Variants in DACH2 observed in about 807,000 individuals in gnomAD.
DACH2 encodes dachshund family transcription factor 2.
Under a neutral mutation model 35.8 loss-of-function variants are expected in DACH2, and 17 were observed. The ratio of observed to expected loss-of-function variants is 0.48; its 90% CI spans 0.33 to 0.71. DACH2 has a LOEUF of 0.71. Among genes scored for constraint, DACH2 ranks in the 30% least tolerant of loss-of-function variants. DACH2 has a pLI of 0.02. For synonymous variants in DACH2, 195 were observed against 177.3 expected (o/e 1.10, Z -0.79); for missense variants, 469 against 472.7 (o/e 0.99, Z 0.07).
intron 2 of DACH2, among the ~76,000 whole-genome samples, chrX:86,465,511 A>G (rs1438373317): frequency 9.0e-6 from 1 of 111,678 alleles, no homozygotes; most frequent in Non-Finnish European, 1.9e-5. Context: ...AATTGAGTGG[A>G]ATTTTGACAA....
intron 1 of DACH2, among the ~76,000 whole-genome samples, chrX:86,296,310 G>C (rs1384606267): frequency 2.0e-5 from 2 of 101,309 alleles, no homozygotes; most frequent in East Asian, 6.1e-4. Flanking sequence ...GAACCCTGGA[G>C]GCGGAGCTTG....
intron 2 of DACH2, among the ~76,000 whole-genome samples, chrX:86,431,851 A>G (rs2036990276): frequency 1.8e-5 from 2 of 111,674 alleles, no homozygotes; most frequent in Admixed American, 1.9e-4. Flanking sequence ...TAAACAAATC[A>G]TAAGGTTGAA....
chrX:86,177,765 T>C (rs190031766), intron 1 of DACH2, among the ~76,000 whole-genome samples: 1 of 111,282 alleles, frequency 9.0e-6, no homozygotes, highest in East Asian at 2.9e-4. Context: ...ATTAAGACTC[T>C]TGTTTAGGGA....
intron 3 of DACH2, among the ~76,000 whole-genome samples, chrX:86,623,825 G>A (rs1210540046): frequency 2.1e-5 from 2 of 96,715 alleles, no homozygotes; most frequent in Admixed American, 1.1e-4. Flanking sequence ...CGAGACGGGC[G>A]GATCACGAGG....
At chrX:86,764,650 T>G (rs2041914699) in intron 7 of DACH2, among the ~76,000 whole-genome samples, 1 of 111,539 alleles carries the variant, frequency 9.0e-6, no homozygotes, top group African/African-American at 3.3e-5. Flanking sequence ...CATAGATTGA[T>G]TACATGTCTC....
chrX:86,532,504 CTT>C (rs1959282599), intron 3 of DACH2, among the ~76,000 whole-genome samples: 1 of 109,962 alleles, frequency 9.1e-6, no homozygotes, highest in African/African-American at 3.3e-5. Context: ...CTCTCTCTCT[CTT>C]TCTCTCTATT....
intron 1 of DACH2, among the ~76,000 whole-genome samples, chrX:86,157,734 G>A (rs1273345249): frequency 9.0e-6 from 1 of 111,389 alleles, no homozygotes; most frequent in African/African-American, 3.3e-5. Context: ...TATCTCTCAT[G>A]TTTGTCTAAA....
chrX:86,734,138 C>T lies in DACH2; in HGVS notation c.1105-5609C>T, dbSNP rs1273341315. The stretch of plus-strand genomic sequence containing the variant: ...TGCTATGGTCAGATATGGCTGATTC[C>T]TTTAATCTGTAAGCCTTTTCCAGGA... On this transcript the variant is annotated intron_variant, in intron 6 of 11. Transcript: ENST00000373125. Among the ~76,000 whole-genome samples, 4 of 110,661 alleles carry T rather than the reference C, an allele frequency of 3.6e-5. No homozygotes were observed. The South Asian group carries it at 1.5e-3, about 42-fold the overall frequency.
At chrX:86,820,387 C>T (rs1464978308) in intron 11 of DACH2, among the ~76,000 whole-genome samples, 1 of 111,279 alleles carries the variant, frequency 9.0e-6, no homozygotes, top group Non-Finnish European at 1.9e-5. Context: ...GCTACTGACA[C>T]ACTAGAAGTA....
At chrX:86,702,142 A>T (rs1321732354) in intron 5 of DACH2, among the ~76,000 whole-genome samples, 1 of 112,265 alleles carries the variant, frequency 8.9e-6, no homozygotes, top group African/African-American at 3.2e-5. Flanking sequence ...ATAGAAGAAC[A>T]TGGAAATTAA....
At chrX:86,479,320 G>A (rs2037900054) in intron 2 of DACH2, among the ~76,000 whole-genome samples, 1 of 110,649 alleles carries the variant, frequency 9.0e-6, no homozygotes, top group Non-Finnish European at 1.9e-5. Context: ...GAAAACAGGA[G>A]TGCCTGTCCT....
At chrX:86,811,773 A>G (rs1157833515) in intron 7 of DACH2, among the ~76,000 whole-genome samples, 3 of 112,123 alleles carry the variant, frequency 2.7e-5, no homozygotes, top group Admixed American at 9.5e-5. Flanking sequence ...TAATTCGTAC[A>G]GGTCATATGA....
intron 2 of DACH2, among the ~76,000 whole-genome samples, chrX:86,490,563 C>T: frequency 9.0e-6 from 1 of 111,396 alleles, no homozygotes; most frequent in Non-Finnish European, 1.9e-5. Context: ...CTTTGGCCAC[C>T]TTTGTTCAAT....
At chrX:86,675,511 A>G (rs987194410) in intron 4 of DACH2, among the ~76,000 whole-genome samples, 4 of 110,902 alleles carry the variant, frequency 3.6e-5, no homozygotes, top group African/African-American at 6.6e-5. Context: ...ATGGCAAGAG[A>G]TCGTCCCTAG....
intron 1 of DACH2, among the ~76,000 whole-genome samples, chrX:86,291,952 G>A (rs1285985316): frequency 7.4e-5 from 5 of 67,694 alleles, no homozygotes; most frequent in Non-Finnish European, 1.1e-4. Context: ...AATGAGTTAG[G>A]GAGGATTCCC....
intron 1 of DACH2, among the ~76,000 whole-genome samples, chrX:86,259,667 G>C (rs752586700): frequency 3.6e-5 from 4 of 112,057 alleles, no homozygotes; most frequent in Non-Finnish European, 3.8e-5. Context: ...CGCTAGCATA[G>C]TGTCTTGCAC....
At chrX:86,408,739 A>T (rs917887852) in intron 2 of DACH2, among the ~76,000 whole-genome samples, 1 of 111,488 alleles carries the variant, frequency 9.0e-6, no homozygotes, top group African/African-American at 3.3e-5. Flanking sequence ...TCCTGTTAGG[A>T]TCTGAACACA....
chrX:86,156,948 C>T (rs2030566664), intron 1 of DACH2, among the ~76,000 whole-genome samples: 1 of 111,197 alleles, frequency 9.0e-6, no homozygotes, highest in Admixed American at 9.6e-5. Context: ...GAAGTATCCT[C>T]CTCACCACCC....
intron 2 of DACH2, among the ~76,000 whole-genome samples, chrX:86,467,525 C>T (rs969068327): frequency 1.8e-5 from 2 of 111,437 alleles, no homozygotes; most frequent in Non-Finnish European, 3.8e-5. Flanking sequence ...CCAAACTTTC[C>T]CACATTTTTC....
Sources: gnomAD v4.1 joint callset for allele counts (sites outside exome capture counted in the v4.1 genomes callset) on GRCh38, gnomAD v4.1.1 for gene constraint, MANE v1.5 for transcripts, NCBI Gene and HGNC (gene_info 2026-07-23, HGNC 2026-07-21) for gene names.